LRMDA: variants seen among roughly 807,000 people sequenced by gnomAD.
The protein encoded by LRMDA is leucine rich melanocyte differentiation associated.
LRMDA carries 18 observed loss-of-function variants against 29.8 expected under a neutral mutation model. That is an observed-to-expected ratio of 0.60 (90% confidence interval 0.42 to 0.90). The LOEUF (loss-of-function observed/expected upper bound fraction) is 0.90. Ranked by LOEUF, LRMDA falls within the 40% of genes least tolerant of loss-of-function variation. The pLI is 0.00. For missense variants in LRMDA, 273 were observed against 273.9 expected (o/e 1.00, Z 0.02); for synonymous variants, 125 against 109.4 (o/e 1.14, Z -0.89).
intron 2 of LRMDA, among the ~76,000 whole-genome samples, chr10:75,888,444 TC>T (rs1178530578): frequency 1.3e-5 from 2 of 152,160 alleles, no homozygotes; most frequent in Non-Finnish European, 2.9e-5. Flanking sequence ...AAACTCCACA[TC>T]CCTGATCTGG....
chr10:76,101,157 AT>A (rs1208221553), intron 5 of LRMDA, among the ~76,000 whole-genome samples: 1 of 152,192 alleles, frequency 6.6e-6, no homozygotes, highest in East Asian at 1.9e-4. Flanking sequence ...AGAAGTCCTA[AT>A]AATTCATTTT....
chr10:76,168,375 G>T (rs2132188776), intron 5 of LRMDA, among the ~76,000 whole-genome samples: 1 of 152,228 alleles, frequency 6.6e-6, no homozygotes, highest in East Asian at 1.9e-4. Flanking sequence ...CTCTGTGTTG[G>T]GAGAGAAAAA....
intron 5 of LRMDA, among the ~76,000 whole-genome samples, chr10:76,143,518 T>C (rs1334450391): frequency 5.9e-5 from 9 of 152,080 alleles, no homozygotes; most frequent in Admixed American, 2.6e-4. Flanking sequence ...TCATATCCTT[T>C]GCCCACTTTT....
At chr10:76,105,473 AATCTTCCT>A (rs1849466182) in intron 5 of LRMDA, among the ~76,000 whole-genome samples, 2 of 152,196 alleles carry the variant, frequency 1.3e-5, no homozygotes, top group South Asian at 4.2e-4. Flanking sequence ...TCCAAAATGA[AATCTTCCT>A]ATATTAGTGT....
intron 6 of LRMDA, among the ~76,000 whole-genome samples, chr10:76,454,785 GAGA>G (rs1842441004): frequency 1.3e-5 from 2 of 152,172 alleles, no homozygotes; most frequent in South Asian, 4.1e-4. Context: ...CTCATATGCT[GAGA>G]AGGACAAATT....
At chr10:76,072,094 T>C (rs1000791307) in intron 5 of LRMDA, among the ~76,000 whole-genome samples, 6 of 152,210 alleles carry the variant, frequency 3.9e-5, no homozygotes, top group Non-Finnish European at 7.3e-5. Context: ...TGGGTTGCAA[T>C]GTAATAAATA....
intron 6 of LRMDA, among the ~76,000 whole-genome samples, chr10:76,533,498 G>GC (rs1843257597): frequency 6.6e-6 from 1 of 152,196 alleles, no homozygotes; most frequent in African/African-American, 2.4e-5. Context: ...ACCCATGCTG[G>GC]CCTCCAAGAA....
chr10:75,470,734 C>T (rs562429618), intron 2 of LRMDA, among the ~76,000 whole-genome samples: 81 of 152,264 alleles, frequency 5.3e-4, no homozygotes, highest in African/African-American at 1.8e-3. Context: ...AGCAGCCCCA[C>T]TCATTGTCCG....
chr10:75,869,045 T>C (rs1192400860), intron 2 of LRMDA, among the ~76,000 whole-genome samples: 1 of 152,202 alleles, frequency 6.6e-6, no homozygotes, highest in Non-Finnish European at 1.5e-5. Flanking sequence ...AATCACTGAA[T>C]GTTGCCCAAT....
At chr10:76,365,083 CACATAT>C (rs1206956179) in intron 6 of LRMDA, among the ~76,000 whole-genome samples, 1 of 50,938 alleles carries the variant, frequency 2.0e-5, no homozygotes, top group Non-Finnish European at 3.7e-5. Context: ...CACACACACA[CACATAT>C]ATATATATAT....
intron 2 of LRMDA, among the ~76,000 whole-genome samples, chr10:75,820,748 A>G (rs1397694079): frequency 3.9e-5 from 6 of 152,136 alleles, no homozygotes; most frequent in Non-Finnish European, 7.4e-5. Context: ...TTGAAAACAT[A>G]AATAAAATTA....
At chr10:75,928,911 C>G (rs931280831) in intron 2 of LRMDA, among the ~76,000 whole-genome samples, 1 of 152,166 alleles carries the variant, frequency 6.6e-6, no homozygotes, top group Non-Finnish European at 1.5e-5. Context: ...AGGTGCAACA[C>G]TGCCTGTATC....
chr10:76,005,468 C>T (rs573116252), intron 2 of LRMDA, among the ~76,000 whole-genome samples: 1 of 152,252 alleles, frequency 6.6e-6, no homozygotes, highest in Admixed American at 6.5e-5. Context: ...GGGTTAAAAT[C>T]AAGCCAGTTT....
chr10:75,868,690 A>G (rs1181410259), intron 2 of LRMDA, among the ~76,000 whole-genome samples: 7 of 152,082 alleles, frequency 4.6e-5, no homozygotes, highest in Non-Finnish European at 1.0e-4. Flanking sequence ...TTGTTTAGCG[A>G]TTTCTCCCAG....
intron 2 of LRMDA, among the ~76,000 whole-genome samples, chr10:75,644,413 AACCCAACCAAAT>A (rs1391528088): frequency 6.6e-6 from 1 of 152,220 alleles, no homozygotes; most frequent in Non-Finnish European, 1.5e-5. Context: ...TCAACCTGGC[AACCCAACCAAAT>A]AGCTATTTAA....
intron 2 of LRMDA, among the ~76,000 whole-genome samples, chr10:75,531,155 C>T (rs1358214700): frequency 6.6e-6 from 1 of 152,128 alleles, no homozygotes; most frequent in Non-Finnish European, 1.5e-5. Flanking sequence ...TGGGATATCA[C>T]CAGCTCTTCC....
At chr10:75,593,792 C>T (rs1840751712) in intron 2 of LRMDA, among the ~76,000 whole-genome samples, 1 of 151,910 alleles carries the variant, frequency 6.6e-6, no homozygotes, top group Admixed American at 6.6e-5. Context: ...GCCAGCTCTC[C>T]CGCCTTGCCC....
intron 2 of LRMDA, among the ~76,000 whole-genome samples, chr10:75,835,501 A>C (rs1254888163): frequency 1.3e-5 from 2 of 152,178 alleles, no homozygotes. Context: ...GGTTCTGAAA[A>C]TTCATGGACA....
At position 75,462,353 on chromosome 10, in the gene LRMDA, T is replaced by A. The variant is rs536032625; in HGVS notation, c.131+23859T>A. Among the ~76,000 whole-genome samples the A allele has an allele frequency of 2.0e-5, 3 of 152,366 alleles. No homozygotes were observed. In the South Asian group the frequency reaches 6.2e-4, roughly 32 times the overall value. ...TGTCACAAATGTGAATTGGTGCCTTTACATCAGCGGCAGGTGTAGTCTCTT... is the reference window on the plus strand; with the variant it reads ...TGTCACAAATGTGAATTGGTGCCTTAACATCAGCGGCAGGTGTAGTCTCTT... On this transcript the variant is annotated intron_variant, in intron 2 of 6. Transcript: ENST00000611255.
Sources: allele counts gnomAD v4.1 joint callset (sites outside exome capture counted in the v4.1 genomes callset), GRCh38; gene constraint gnomAD v4.1.1; transcripts MANE v1.5; gene names NCBI Gene and HGNC (gene_info 2026-07-23, HGNC 2026-07-21).